The following PIEZO1 variants were observed in gnomAD, a reference collection of about 807,000 sequenced individuals.
PIEZO1 encodes the protein piezo type mechanosensitive ion channel component 1 (Er blood group), also known as piezo-type mechanosensitive ion channel component 1.
Under a neutral mutation model 297.2 loss-of-function variants are expected in PIEZO1, and 296 were observed. The ratio of observed to expected loss-of-function variants is 1.00; its 90% CI spans 0.91 to 1.10. The LOEUF (loss-of-function observed/expected upper bound fraction) is 1.10, where lower values mean the gene tolerates loss of function less well. Among genes scored for constraint, PIEZO1 ranks in the 50% least tolerant of loss-of-function variants. The pLI, the probability that PIEZO1 is intolerant of heterozygous loss-of-function variation, is 0.00. For synonymous variants in PIEZO1, 2,427 were observed against 1,507.5 expected, an observed-to-expected ratio of 1.61 and a Z score of -14.13; for missense variants, 5,018 against 3,455.5, an observed-to-expected ratio of 1.45 and a Z score of -11.34.
At chr16:88,784,392 G>C (rs1038957342) in intron 1 of PIEZO1, among the ~76,000 whole-genome samples, 1 of 152,234 alleles carries the variant, frequency 6.6e-6, no homozygotes, top group Non-Finnish European at 1.5e-5. Context: ...CCCTGGGCAC[G>C]GACGTTCGTT....
rs1037419484 is a variant in PIEZO1 at position 88,737,475 on chromosome 16, A to C, written c.1195+84T>G. On this transcript the variant is annotated intron_variant, in intron 10 of 50. Coordinates refer to ENST00000301015, the MANE Select transcript of PIEZO1 (RefSeq NM_001142864.4). ...CAGAGGTGCGGCGCGAGCATGCGAGAGCGCCAGGCGGCCACCAGGGGGCAG... is the reference window on the plus strand; with the variant it reads ...CAGAGGTGCGGCGCGAGCATGCGAGCGCGCCAGGCGGCCACCAGGGGGCAG... The C allele has an allele frequency of 1.1e-5, 10 of 921,032 alleles. No homozygotes were observed. The East Asian group carries it at 1.9e-4, about 18-fold the overall frequency. The allele number at this position is 921,032 out of a possible 1,614,324, so 57.1% of individuals were successfully genotyped here. A position where few individuals can be genotyped will look rare whatever the true frequency, so the allele number is the denominator to read the frequency against.
intron 1 of PIEZO1, among the ~76,000 whole-genome samples, chr16:88,779,701 C>T (rs941651432): frequency 6.6e-6 from 1 of 152,212 alleles, no homozygotes; most frequent in Non-Finnish European, 1.5e-5. Flanking sequence ...TGAGGGAGGC[C>T]GACAGCCCCA....
chr16:88,766,032 T>C (rs1907161811), intron 1 of PIEZO1, among the ~76,000 whole-genome samples: 2 of 152,136 alleles, frequency 1.3e-5, no homozygotes, highest in South Asian at 2.1e-4. Flanking sequence ...AGACATCACA[T>C]GCGAGTCAGC....
chr16:88,736,171 G>C lies in PIEZO1; in HGVS notation c.1534C>G (p.Pro512Ala), dbSNP rs763516197. The C allele has an allele frequency of 9.7e-6, 15 of 1,548,412 alleles. No homozygotes were observed. The highest frequency in any genetic ancestry group is 1.3e-5 in the Non-Finnish European group (15 of 1,146,302). Residue 512 changes from proline (P) to alanine (A), a missense_variant, in exon 12 of 51, where the codon CCC (proline) becomes GCC (alanine). By Grantham distance (27) the Pro-to-Ala change is conservative. Transcript: ENST00000301015. The stretch of plus-strand genomic sequence containing the variant: ...ACCATGGCACCAAGGTCCAGACAGG[G>C]GTAGCGGGTGTGCTCCAGCCCCAGC... The part of the protein sequence containing the change: ...RQLGLEHTRY[P>A]CLDLGAMLLY...
chr16:88,782,098 C>CA (rs2142915496), intron 1 of PIEZO1, among the ~76,000 whole-genome samples: 1 of 152,336 alleles, frequency 6.6e-6, no homozygotes, highest in South Asian at 2.1e-4. Context: ...ATCAGAATCA[C>CA]AAATGTCCTG....
At position 88,727,615 on chromosome 16, in the gene PIEZO1, G is replaced by C; in HGVS notation, c.3243C>G (p.Leu1081=). The change falls in exon 23 of 51, where the codon CTC becomes CTG. Residue 1081 remains leucine, a synonymous_variant. Transcript: ENST00000301015. ...WSRAVPMNSA[L]IKWLYLPDFF... ...AATCAGGCAGGTACAGCCACTTGAT[G>C]AGTGCGGAGTTCATGGGGACGGCCC... 1 of 1,527,182 alleles carries C rather than the reference G, an allele frequency of 6.5e-7. No homozygotes were observed. The highest frequency in any genetic ancestry group is 8.8e-7 in the Non-Finnish European group (1 of 1,131,748). The allele number at this position is 1,527,182 out of a possible 1,614,324, so 94.6% of individuals were successfully genotyped here.
At chr16:88,733,189 T>G in intron 19 of PIEZO1, 89 bp downstream of exon 19, 1 of 1,245,544 alleles carries the variant, frequency 8.0e-7, no homozygotes, top group Non-Finnish European at 1.1e-6. Context: ...CTGGCCCCAC[T>G]GCACTGAGGC....
At chr16:88,779,098 G>A (rs1486218270) in intron 1 of PIEZO1, among the ~76,000 whole-genome samples, 3 of 149,716 alleles carry the variant, frequency 2.0e-5, no homozygotes, top group Non-Finnish European at 4.4e-5. Flanking sequence ...CTGGAGTGCA[G>A]TGGCACGACT....
chr16:88,725,884 G>C (rs1255524278), intron 27 of PIEZO1, 200 bp from the exon 28 acceptor site: 2 of 588,082 alleles, frequency 3.4e-6, no homozygotes, highest in Non-Finnish European at 6.1e-6. Context: ...CTGCCGTACA[G>C]ATGCAGGGGC....
chr16:88,754,850 C>A (rs1906573888), intron 1 of PIEZO1, among the ~76,000 whole-genome samples: 1 of 152,238 alleles, frequency 6.6e-6, no homozygotes, highest in Non-Finnish European at 1.5e-5. Flanking sequence ...GCTGAGGCTG[C>A]ATCACAGAGC....
chr16:88,758,431 A>G (rs1324849156), intron 1 of PIEZO1, among the ~76,000 whole-genome samples: 2 of 152,168 alleles, frequency 1.3e-5, no homozygotes, highest in African/African-American at 4.8e-5. Flanking sequence ...TCACTCAGCC[A>G]TCCCCAGGGC....
In PIEZO1 at chr16:88,721,909, C is replaced by A; in HGVS notation, c.5113G>T (p.Ala1705Ser). 1.3e-6 allele frequency: 2 copies of A among 1,550,164 alleles called. No individual in the cohort carries two copies. Among genetic ancestry groups the A allele is most frequent in the African/African-American group, 2.7e-5 (2 of 73,158 alleles). The change falls in exon 37 of 51, where the codon GCC becomes TCC. Residue 1705 changes from alanine to serine, a missense_variant. Ala to Ser is a moderately conservative substitution (Grantham distance 99). Coordinates refer to ENST00000301015, the MANE Select transcript of PIEZO1 (RefSeq NM_001142864.4). Reference sequence around the variant, plus strand: ...AGCACGGGCAGCACCAGCGAGCCGGCGGAGGCCGTGACCATGTGGTTGAGG... The same window carrying A: ...AGCACGGGCAGCACCAGCGAGCCGGAGGAGGCCGTGACCATGTGGTTGAGG... ...IILNHMVTAS[A>S]GSLVLPVLVF...
At chr16:88,732,881 G>A (rs1904959946) in intron 19 of PIEZO1, 149 bp from the exon 20 acceptor site, 5 of 745,942 alleles carry the variant, frequency 6.7e-6, no homozygotes, top group Admixed American at 2.9e-5. Flanking sequence ...CACCTTCACG[G>A]GGAAGGGGAC....
chr16:88,759,954 G>C (rs1020973299), intron 1 of PIEZO1, among the ~76,000 whole-genome samples: 9 of 152,112 alleles, frequency 5.9e-5, no homozygotes, highest in Admixed American at 3.3e-4. Flanking sequence ...ACCTTCACCA[G>C]CCACCCTGGC....
rs750102944 is a variant in PIEZO1 at position 88,726,656 on chromosome 16, A to AGGGTCAGCG, written c.3700-22_3700-14dup. 6.8e-5 allele frequency: 64 copies of AGGGTCAGCG among 941,030 alleles called. No homozygotes were observed. The East Asian group carries it at 9.3e-4, about 14-fold the overall frequency. 58.3% of individuals were successfully genotyped at this position (941,030 alleles called of 1,614,324 possible). On this transcript the variant is annotated splice_polypyrimidine_tract_variant and intron_variant, in intron 25 of 50. Transcript: ENST00000301015. ...CGCAGGCCAGGAGCTGGGGGAGAGC[A>AGGGTCAGCG]GGGTCAGCGGGGCCAGCGGGGCCCC...
intron 2 of PIEZO1, chr16:88,742,989 C>A (rs1193583168): frequency 4.4e-6 from 2 of 450,292 alleles, no homozygotes; most frequent in South Asian, 3.2e-5. Flanking sequence ...GTACCCAGTC[C>A]CCATGGCCAC....
At position 88,738,679 on chromosome 16, in the gene PIEZO1, T is replaced by C; in HGVS notation, c.523A>G (p.Thr175Ala). Residue 175 changes from threonine (T) to alanine (A), a missense_variant, in exon 6 of 51, where the codon ACG (threonine) becomes GCG (alanine). By Grantham distance (58) the Thr-to-Ala change is moderately conservative. Coordinates refer to ENST00000301015, the MANE Select transcript of PIEZO1 (RefSeq NM_001142864.4). ...CGTGACCTCCGTGTAGGGGCCAGCG[T>C]TGCTGCTTCCTGCAGCCCTGCCGTC... ...SPTAGLQEAA[T>A]LAPTRRSRLA... The C allele has an allele frequency of 6.5e-7, 1 of 1,535,132 alleles. No individual in the cohort carries two copies. The highest frequency in any genetic ancestry group is 1.7e-4 in the Middle Eastern group (1 of 5,986).
chr16:88,736,680 T>C lies in PIEZO1; in HGVS notation c.1255A>G (p.Ile419Val), dbSNP rs546733814. Residue 419 changes from isoleucine (I) to valine (V), a missense_variant, in exon 11 of 51, where the codon ATC becomes GTC. Ile to Val is a conservative substitution (Grantham distance 29). Transcript: ENST00000301015. ...GCGCACACATAGCTCTGGTCCATGA[T>C]GAGGTGGCCCAGGCTGTGGAGCGGA... is the stretch of plus-strand genomic sequence containing the variant. ...ASPLHSLGHLIMDQSYVCALI... is the reference protein window; with the variant it reads ...ASPLHSLGHLVMDQSYVCALI... 47 of 1,533,004 alleles carry C rather than the reference T, an allele frequency of 3.1e-5. 1 individual carries two copies. In the South Asian group the frequency reaches 4.8e-4, roughly 16 times the overall value. 95.0% of individuals were successfully genotyped at this position (1,533,004 alleles called of 1,614,324 possible).
At chr16:88,721,047 C>T in intron 39 of PIEZO1, 119 bp downstream of exon 39, 5 of 1,091,650 alleles carry the variant, frequency 4.6e-6, no homozygotes, top group Admixed American at 2.9e-5. Flanking sequence ...TGGCACCTTC[C>T]TGGGATCCAG....
Sources: gnomAD v4.1 joint callset for allele counts (sites outside exome capture counted in the v4.1 genomes callset) on GRCh38, gnomAD v4.1.1 for gene constraint, MANE v1.5 for transcripts, NCBI Gene and HGNC (gene_info 2026-07-23, HGNC 2026-07-21) for gene names.